IDI2: variants seen among roughly 807,000 people sequenced by gnomAD.
The protein encoded by IDI2 is isopentenyl-diphosphate delta isomerase 2, also known as isopentenyl-diphosphate delta-isomerase 2.
A neutral mutation model predicts 14.8 loss-of-function variants in IDI2; 18 were observed. The ratio of observed to expected loss-of-function variants is 1.22; its 90% CI spans 0.84 to 1.80. IDI2 has a LOEUF of 1.80. Among genes scored for constraint, IDI2 ranks in the 40% most tolerant of loss-of-function variants. The probability of loss-of-function intolerance (pLI) is 0.00; values close to 1 mark genes in which losing one functional copy is unlikely to be tolerated. For synonymous variants in IDI2, 133 were observed against 109.6 expected, an observed-to-expected ratio of 1.21 and a Z score of -1.33; for missense variants, 316 against 283.2, an observed-to-expected ratio of 1.12 and a Z score of -0.83.
At chr10:1,020,518 G>A (rs1832073244) in intron 4 of IDI2, among the ~76,000 whole-genome samples, 1 of 152,148 alleles carries the variant, frequency 6.6e-6, no homozygotes, top group African/African-American at 2.4e-5. Context: ...GTGGTCGACA[G>A]ATTCCTGCAC....
At chr10:1,023,906 G>A (rs960996378) in intron 2 of IDI2, among the ~76,000 whole-genome samples, 21 of 152,176 alleles carry the variant, frequency 1.4e-4, no homozygotes, top group African/African-American at 5.1e-4. Context: ...GCATGACATG[G>A]TGGTATCAAA....
chr10:1,019,394 A>T lies in IDI2; in HGVS notation c.*123T>A. 1.5e-6 allele frequency: 1 copy of T among 659,908 alleles called. No individual in the cohort carries two copies. Among genetic ancestry groups the T allele is most frequent in the Non-Finnish European group, 2.6e-6 (1 of 389,362 alleles). The allele number at this position is 659,908 out of a possible 1,614,324, so 40.9% of individuals were successfully genotyped here. ...GATGAAAAGGTTGAAATAGTGATTT[A>T]TACATGATGGGCAATCAAGTGCCCC... On this transcript the variant is annotated 3_prime_UTR_variant, in exon 5 of 5. Coordinates refer to ENST00000277517, the MANE Select transcript of IDI2 (RefSeq NM_033261.3).
At chr10:1,023,900 G>A (rs1199670564) in intron 2 of IDI2, among the ~76,000 whole-genome samples, 2 of 152,202 alleles carry the variant, frequency 1.3e-5, no homozygotes, top group Non-Finnish European at 2.9e-5. Context: ...CATTATGCAT[G>A]ACATGGTGGT....
Position 1,020,821 on chromosome 10 carries a change from C to T in IDI2, c.312G>A (p.Val104=), listed in dbSNP as rs1351548327. ...GCAGACGCCTCTGGGCTGCCCTCCT[C>T]ACTCCGATGGCATCCTTTTCTTCCA... ...AELEEKDAIG[V]RRAAQRRLQA... The change falls in exon 4 of 5, where the codon GTG becomes GTA. Residue 104 remains valine (V), a synonymous_variant. Transcript: ENST00000277517. 1 of 1,614,004 alleles carries T rather than the reference C, an allele frequency of 6.2e-7. No homozygotes were observed. The highest frequency in any genetic ancestry group is 1.7e-5 in the Admixed American group (1 of 60,008).
Position 1,022,778 on chromosome 10 carries a change from G to A in IDI2, c.143-3C>T. ...GCTGAAGGCTCGGTGCAGCAGCCCT[G>A]CAAAGGTAAGTGCCATTTGTGTGAG... On this transcript the variant is annotated splice_region_variant and splice_polypyrimidine_tract_variant and intron_variant, in intron 2 of 4. Coordinates refer to ENST00000277517, the MANE Select transcript of IDI2 (RefSeq NM_033261.3). 3 of 1,611,274 alleles carry A rather than the reference G, an allele frequency of 1.9e-6. No individual in the cohort carries two copies. Among genetic ancestry groups the A allele is most frequent in the Non-Finnish European group, 2.5e-6 (3 of 1,177,460 alleles).
In IDI2 at chr10:1,020,766, C is replaced by T; in HGVS notation, c.366+1G>A. The T allele has an allele frequency of 6.2e-7, 1 of 1,610,300 alleles. No homozygotes were observed. On this transcript the variant is annotated splice_donor_variant, in intron 4 of 4. Transcript: ENST00000277517. LOFTEE classifies it high-confidence loss of function. ...CAGCTGAGACTGGATGCTGTGTGTA[C>T]CTGCTCCCCAGGAATTCCCAGCTCT...
At chr10:1,019,855 A>G (rs2132181488) in intron 4 of IDI2, 21 bp from the exon 5 acceptor site, 2 of 1,542,488 alleles carry the variant, frequency 1.3e-6, no homozygotes, top group Middle Eastern at 1.7e-4. Context: ...AAATTGGTGC[A>G]GTGTTAACAA....
chr10:1,020,594 CCATTCACAGCCCCATTCACAGCT>C (rs1430480093), intron 4 of IDI2, among the ~76,000 whole-genome samples, 150 bp downstream of exon 4: 10 of 151,364 alleles, frequency 6.6e-5, no homozygotes, highest in Non-Finnish European at 1.0e-4. Flanking sequence ...ATTCACAGCC[CCATTCACAGCCCCATTCACAGCT>C]CATTCACAGC....
chr10:1,024,683 A>G lies in IDI2; in HGVS notation c.41T>C (p.Leu14Ser). Residue 14 changes from leucine to serine, a missense_variant, in exon 2 of 5, where the codon TTG (leucine) becomes TCG (serine). By Grantham distance (145) the Leu-to-Ser change is moderately radical. Transcript: ENST00000277517. The stretch of plus-strand genomic sequence containing the variant: ...AATCAGCATTTCCTCCAAGCGCTGC[A>G]ACTGACGCCTGTCAACCCAGTCAAG... The part of the protein sequence containing the change: ...INLDWVDRRQ[L>S]QRLEEMLIVV... The G allele has an allele frequency of 6.2e-7, 1 of 1,614,230 alleles. No homozygotes were observed. The highest frequency in any genetic ancestry group is 8.5e-7 in the Non-Finnish European group (1 of 1,180,044).
intron 1 of IDI2, 79 bp from the exon 2 acceptor site, chr10:1,024,823 T>A: frequency 1.4e-6 from 2 of 1,394,448 alleles, no homozygotes; most frequent in Non-Finnish European, 2.0e-6. Flanking sequence ...CCAACCACAT[T>A]AGGATTTAGC....
chr10:1,021,005 A>G, intron 3 of IDI2, 108 bp from the exon 4 acceptor site: 1 of 1,269,290 alleles, frequency 7.9e-7, no homozygotes, highest in Non-Finnish European at 1.1e-6. Context: ...TCAGCAGAAG[A>G]CAGCCTGGCG....
intron 3 of IDI2, 25 bp downstream of exon 3, chr10:1,022,658 C>T: frequency 6.4e-7 from 1 of 1,555,072 alleles, no homozygotes; most frequent in African/African-American, 1.4e-5. Flanking sequence ...TCTCTTCAGT[C>T]CGGGGCTTGG....
At chr10:1,023,882 T>C (rs1832163855) in intron 2 of IDI2, among the ~76,000 whole-genome samples, 2 of 152,342 alleles carry the variant, frequency 1.3e-5, no homozygotes, top group African/African-American at 4.8e-5. Flanking sequence ...CAAAATGCCC[T>C]ATTTGATCAT....
At chr10:1,023,250 C>T (rs34159706) in intron 2 of IDI2, among the ~76,000 whole-genome samples, 19,913 of 152,000 alleles carry the variant, frequency 0.13, 1,755 homozygotes, top group Non-Finnish European at 0.2. Context: ...CTGAAGTGGG[C>T]GGATCACGAG....
At chr10:1,021,903 T>C (rs1210816793) in intron 3 of IDI2, among the ~76,000 whole-genome samples, 1 of 152,210 alleles carries the variant, frequency 6.6e-6, no homozygotes, top group African/African-American at 2.4e-5. Context: ...TTTGAAAATT[T>C]GAGGACAGCC....
Position 1,022,684 on chromosome 10 carries a change from A to G in IDI2, c.234T>C (p.Pro78=). 2 of 1,612,188 alleles carry G rather than the reference A, an allele frequency of 1.2e-6. No individual in the cohort carries two copies. Among genetic ancestry groups the G allele is most frequent in the Non-Finnish European group, 1.7e-6 (2 of 1,178,284 alleles). ...QQRSDTKVTF[P]GYFTDSCSSH... ...CGGGGCTTGGTTGAACGGACTCACC[A>G]GGAAACGTGACTTTCGTGTCCGACC... is the stretch of plus-strand genomic sequence containing the variant. The change falls in exon 3 of 5, where the codon CCT becomes CCC. Residue 78 remains proline, a splice_region_variant and synonymous_variant. Transcript: ENST00000277517.
intron 4 of IDI2, among the ~76,000 whole-genome samples, chr10:1,020,483 C>T (rs949059074): frequency 6.6e-6 from 1 of 152,242 alleles, no homozygotes; most frequent in Admixed American, 6.5e-5. Context: ...GCCACCACGC[C>T]CGGCTTGAAT....
At chr10:1,022,109 G>A (rs1404009952) in intron 3 of IDI2, among the ~76,000 whole-genome samples, 5 of 151,938 alleles carry the variant, frequency 3.3e-5, no homozygotes, top group Admixed American at 2.0e-4. Context: ...AATACAAAAC[G>A]TTACCCGGGT....
At position 1,024,741 on chromosome 10, in the gene IDI2, C is replaced by G; in HGVS notation, c.-18G>C. On this transcript the variant is annotated 5_prime_UTR_variant, in exon 2 of 5. Coordinates refer to ENST00000277517, the MANE Select transcript of IDI2 (RefSeq NM_033261.3). Reference sequence around the variant, plus strand: ...TCAGACATAGCTGCTGGCTGTGACCCGACCTGAAATAGATGCACACAAATG... The same window carrying G: ...TCAGACATAGCTGCTGGCTGTGACCGGACCTGAAATAGATGCACACAAATG... 1 of 1,613,440 alleles carries G rather than the reference C, an allele frequency of 6.2e-7. No homozygotes were observed. The highest frequency in any genetic ancestry group is 1.3e-5 in the African/African-American group (1 of 74,944).
Sources: gnomAD v4.1 joint callset for allele counts (sites outside exome capture counted in the v4.1 genomes callset) on GRCh38, gnomAD v4.1.1 for gene constraint, MANE v1.5 for transcripts, NCBI Gene and HGNC (gene_info 2026-07-23, HGNC 2026-07-21) for gene names.